ROBO2: variants seen among roughly 807,000 people sequenced by gnomAD.
ROBO2 encodes roundabout homolog 2.
A neutral mutation model predicts 160.8 loss-of-function variants in ROBO2; 53 were observed. The observed-to-expected ratio is 0.33, with a 90% confidence interval of 0.26 to 0.41. The LOEUF (loss-of-function observed/expected upper bound fraction) is 0.41, where lower values mean the gene tolerates loss of function less well. Among genes scored for constraint, ROBO2 ranks in the 10% least tolerant of loss-of-function variants. ROBO2 has a pLI of 1.00. For missense variants in ROBO2, 1,577 were observed against 1,722.4 expected (o/e 0.92, Z 1.49); for synonymous variants, 664 against 611.7 (o/e 1.09, Z -1.26).
chr3:77,191,942 A>T (rs1469963501), intron 2 of ROBO2, among the ~76,000 whole-genome samples: 1 of 152,194 alleles, frequency 6.6e-6, no homozygotes, highest in African/African-American at 2.4e-5. Context: ...TTCCCTTTAA[A>T]TGTAAGATGA....
chr3:76,648,012 A>T (rs1197084624), intron 2 of ROBO2, among the ~76,000 whole-genome samples: 2 of 152,190 alleles, frequency 1.3e-5, no homozygotes. Context: ...TAGAAATATT[A>T]AAACCCTATC....
At chr3:77,253,563 G>A (rs1310119679) in intron 2 of ROBO2, among the ~76,000 whole-genome samples, 7 of 152,138 alleles carry the variant, frequency 4.6e-5, no homozygotes, top group Non-Finnish European at 7.3e-5. Flanking sequence ...GTTTTCCCTA[G>A]GTGGGAGGAC....
At chr3:76,719,825 G>A (rs867819684) in intron 2 of ROBO2, among the ~76,000 whole-genome samples, 4 of 151,306 alleles carry the variant, frequency 2.6e-5, no homozygotes, top group South Asian at 2.1e-4. Flanking sequence ...CAGAGGTTGC[G>A]GTGAGCTGAG....
At chr3:77,130,049 C>A (rs1421051014) in intron 2 of ROBO2, among the ~76,000 whole-genome samples, 1 of 152,168 alleles carries the variant, frequency 6.6e-6, no homozygotes, top group Admixed American at 6.5e-5. Flanking sequence ...GAGGCAACCA[C>A]TGTGCAAGCT....
chr3:77,012,956 G>A (rs1030983691), intron 2 of ROBO2, among the ~76,000 whole-genome samples: 2 of 152,010 alleles, frequency 1.3e-5, no homozygotes, highest in East Asian at 1.9e-4. Context: ...TATGATTTCC[G>A]TTTCTTCAAT....
At chr3:77,340,261 G>A (rs1354687134) in intron 2 of ROBO2, among the ~76,000 whole-genome samples, 3 of 152,044 alleles carry the variant, frequency 2.0e-5, no homozygotes, top group Admixed American at 1.3e-4. Context: ...AAACACTGGT[G>A]GTTTACTAGC....
At position 77,495,364 on chromosome 3, in the gene ROBO2, A is replaced by G. The variant is rs528889316; in HGVS notation, c.806+1982A>G. Among the ~76,000 whole-genome samples the G allele has an allele frequency of 2.0e-4, 31 of 152,334 alleles. 1 individual carries two copies. In the South Asian group the frequency reaches 6.4e-3, roughly 32 times the overall value. On this transcript the variant is annotated intron_variant, in intron 5 of 25. Transcript: ENST00000461745. Reference sequence around the variant, plus strand: ...GTTTTCCTTATTGTTAATATCTTACATGACAATAAAACATTTGTTACAACT... The same window carrying G: ...GTTTTCCTTATTGTTAATATCTTACGTGACAATAAAACATTTGTTACAACT...
chr3:77,338,198 G>GA (rs1039697731), intron 2 of ROBO2, among the ~76,000 whole-genome samples: 3 of 152,078 alleles, frequency 2.0e-5, no homozygotes, highest in African/African-American at 7.2e-5. Context: ...CCAGGATTAA[G>GA]AAAAAAATTT....
chr3:76,400,875 A>G (rs2077773145), intron 2 of ROBO2, among the ~76,000 whole-genome samples: 1 of 151,522 alleles, frequency 6.6e-6, no homozygotes, highest in African/African-American at 2.4e-5. Flanking sequence ...ATAGATCCAC[A>G]AGAAAGTTTC....
intron 2 of ROBO2, among the ~76,000 whole-genome samples, chr3:76,206,787 C>T (rs1702834580): frequency 6.6e-6 from 1 of 152,104 alleles, no homozygotes; most frequent in South Asian, 2.1e-4. Flanking sequence ...AATACATCCC[C>T]CATGGAAGAT....
chr3:77,116,765 C>T (rs573634441), intron 2 of ROBO2, among the ~76,000 whole-genome samples: 1 of 152,098 alleles, frequency 6.6e-6, no homozygotes, highest in Non-Finnish European at 1.5e-5. Flanking sequence ...CTTGGCAAGT[C>T]TTTCGCCTTA....
Position 75,933,718 on chromosome 3 carries a change from A to G in ROBO2, c.-13-3763A>G, listed in dbSNP as rs554242098. The stretch of plus-strand genomic sequence containing the variant: ...AAGTTGGCTGGCTGGGGAAGAATAA[A>G]ACCATCTAGAAGATCCACATGACGA... On this transcript the variant is annotated intron_variant, in intron 1 of 26. Transcript: ENST00000487694. Among the ~76,000 whole-genome samples the G allele has an allele frequency of 1.1e-4, 17 of 152,218 alleles. No homozygotes were observed. In the South Asian group the frequency reaches 1.9e-3, roughly 17 times the overall value.
intron 2 of ROBO2, among the ~76,000 whole-genome samples, chr3:76,859,911 T>C (rs976648110): frequency 6.6e-6 from 1 of 152,220 alleles, no homozygotes; most frequent in Non-Finnish European, 1.5e-5. Context: ...CTGTGGCAAG[T>C]CTACCTCTCA....
At chr3:77,538,772 C>A (rs1031073652) in intron 6 of ROBO2, 2 of 363,334 alleles carry the variant, frequency 5.5e-6, no homozygotes, top group South Asian at 4.2e-5. Flanking sequence ...CAATTAGAAC[C>A]CAAACTGAGT....
intron 2 of ROBO2, among the ~76,000 whole-genome samples, chr3:77,476,051 C>T (rs116683852): frequency 0.018 from 2,700 of 152,216 alleles, 75 homozygotes; most frequent in African/African-American, 0.06. Context: ...TCATAAAGGG[C>T]CATGACTTCA....
intron 2 of ROBO2, among the ~76,000 whole-genome samples, chr3:76,596,857 T>C (rs561509017): frequency 8.9e-4 from 136 of 152,128 alleles, no homozygotes; most frequent in African/African-American, 3.2e-3. Context: ...AGCAAATCTC[T>C]GTTAATGGCT....
intron 2 of ROBO2, among the ~76,000 whole-genome samples, chr3:77,390,900 C>T (rs1387870022): frequency 6.6e-6 from 1 of 152,068 alleles, no homozygotes; most frequent in East Asian, 1.9e-4. Flanking sequence ...GTCTCTTTCT[C>T]TCTTTCAGCT....
At chr3:76,529,818 T>C (rs1182823329) in intron 2 of ROBO2, among the ~76,000 whole-genome samples, 1 of 152,140 alleles carries the variant, frequency 6.6e-6, no homozygotes, top group Non-Finnish European at 1.5e-5. Context: ...CTTGCAGCAT[T>C]TTAACATAGG....
At chr3:76,341,730 T>G (rs942575027) in intron 2 of ROBO2, among the ~76,000 whole-genome samples, 2 of 152,136 alleles carry the variant, frequency 1.3e-5, no homozygotes, top group East Asian at 3.9e-4. Context: ...AACATAGTTG[T>G]GTTGGATGCT....
Sources: gnomAD v4.1 joint callset for allele counts (sites outside exome capture counted in the v4.1 genomes callset) on GRCh38, gnomAD v4.1.1 for gene constraint, MANE v1.5 for transcripts, NCBI Gene and HGNC (gene_info 2026-07-23, HGNC 2026-07-21) for gene names.